Variants in OTOA observed in about 807,000 individuals in gnomAD.
OTOA encodes the protein otoancorin.
Under a neutral mutation model 110.8 loss-of-function variants are expected in OTOA, and 70 were observed. The ratio of observed to expected loss-of-function variants is 0.63; its 90% CI spans 0.52 to 0.77. The LOEUF (loss-of-function observed/expected upper bound fraction) is 0.77. OTOA is among the 30% of genes least tolerant of loss of function. OTOA has a pLI of 0.00. For missense variants in OTOA, 917 were observed against 1,075.8 expected, an observed-to-expected ratio of 0.85 and a Z score of 2.06; for synonymous variants, 373 against 431.5, an observed-to-expected ratio of 0.86 and a Z score of 1.68.
intron 8 of OTOA, among the ~76,000 whole-genome samples, 183 bp downstream of exon 8, chr16:21,687,831 A>C (rs1329824046): frequency 6.6e-6 from 1 of 151,488 alleles, no homozygotes; most frequent in African/African-American, 2.4e-5. Flanking sequence ...CACCCGACTA[A>C]TTTTTGTATT....
intron 10 of OTOA, among the ~76,000 whole-genome samples, chr16:21,698,880 C>T (rs1435185096): frequency 1.3e-5 from 2 of 152,106 alleles, no homozygotes; most frequent in Admixed American, 6.6e-5. Context: ...TCATTTGCAA[C>T]TTTTTATTCG....
intron 1 of OTOA, among the ~76,000 whole-genome samples, chr16:21,667,186 C>G (rs1966841776): frequency 6.6e-6 from 1 of 152,148 alleles, no homozygotes; most frequent in Non-Finnish European, 1.5e-5. Context: ...TGCTCAAAAC[C>G]TGTTAGAATG....
chr16:21,701,227 A>C (rs1030731861), intron 11 of OTOA, among the ~76,000 whole-genome samples, 200 bp downstream of exon 11: 3 of 152,182 alleles, frequency 2.0e-5, no homozygotes, highest in African/African-American at 7.2e-5. Context: ...GGGTGAAAGG[A>C]TAAATGCTTT....
chr16:21,690,911 A>G (rs1393608376), intron 8 of OTOA, among the ~76,000 whole-genome samples: 3 of 151,818 alleles, frequency 2.0e-5, no homozygotes, highest in African/African-American at 7.2e-5. Context: ...GGTTTGCTGC[A>G]CCCATCAACT....
At position 21,692,114 on chromosome 16, in the gene OTOA, G is replaced by T. The variant is rs532292797; in HGVS notation, c.739+427G>T. On this transcript the variant is annotated intron_variant, in intron 9 of 28. Transcript: ENST00000646100. ...GGCCAAGGCAGGAGGATTGCCGGAG[G>T]TCAGGAGTTTGAGACCAGCCTGACC... Among the ~76,000 whole-genome samples the T allele has an allele frequency of 3.3e-5, 5 of 152,206 alleles. No individual in the cohort carries two copies. In the South Asian group the frequency reaches 8.3e-4, roughly 25 times the overall value.
rs1001113411 is a variant in OTOA, at chr16:21,705,480, A to G, written c.1104+188A>G. 3.5e-4 allele frequency: 309 copies of G among 878,258 alleles called. 2 individuals are homozygous for G. The highest frequency in any genetic ancestry group is 1.2e-4 in the Admixed American group (5 of 41,330). The allele number at this position is 878,258 out of a possible 1,614,324, so 54.4% of individuals were successfully genotyped here. ...CATCGAAGCCCAGACAGAAAATAGC[A>G]AAGGAACAGACCCTGGGGAGATCAA... is the stretch of plus-strand genomic sequence containing the variant. On this transcript the variant is annotated intron_variant, in intron 12 of 28. Coordinates refer to ENST00000646100, the MANE Select transcript of OTOA (RefSeq NM_144672.4).
At chr16:21,698,289 TATAGCTACTTCTGTTA>T (rs1897984899) in intron 10 of OTOA, among the ~76,000 whole-genome samples, 1 of 152,222 alleles carries the variant, frequency 6.6e-6, no homozygotes, top group Admixed American at 6.5e-5. Flanking sequence ...TACTTCTATT[TATAGCTACTTCTGTTA>T]ATAGCTACTT....
chr16:21,713,677 G>A (rs2141694054), intron 13 of OTOA, among the ~76,000 whole-genome samples: 1 of 152,256 alleles, frequency 6.6e-6, no homozygotes, highest in East Asian at 1.9e-4. Flanking sequence ...CAGGGCACCT[G>A]GCCTCAGAGC....
intron 1 of OTOA, among the ~76,000 whole-genome samples, chr16:21,676,156 C>G (rs1406517146): frequency 6.6e-6 from 1 of 152,160 alleles, no homozygotes; most frequent in African/African-American, 2.4e-5. Context: ...TGAGCTCAGA[C>G]AATTCACCTT....
At chr16:21,685,651 C>T (rs1897699358) in intron 7 of OTOA, among the ~76,000 whole-genome samples, 1 of 152,022 alleles carries the variant, frequency 6.6e-6, no homozygotes. Flanking sequence ...TAACTTCTGC[C>T]TCCTGGGTTT....
At chr16:21,678,745 C>T in intron 2 of OTOA, 140 bp downstream of exon 2, 1 of 1,177,730 alleles carries the variant, frequency 8.5e-7, no homozygotes, top group East Asian at 2.4e-5. Context: ...CAGGATTATT[C>T]TAAGAGGATT....
intron 20 of OTOA, among the ~76,000 whole-genome samples, chr16:21,729,056 T>A (rs564692866): frequency 1.3e-5 from 2 of 151,116 alleles, no homozygotes; most frequent in Non-Finnish European, 3.0e-5. Context: ...TTTTTTTAAA[T>A]GGGGTCTCGC....
At chr16:21,735,373 ACG>A (rs1301104223) in intron 21 of OTOA, among the ~76,000 whole-genome samples, 1 of 151,792 alleles carries the variant, frequency 6.6e-6, no homozygotes, top group African/African-American at 2.4e-5. Flanking sequence ...GAGAGAACGC[ACG>A]CACTATTGTG....
intron 19 of OTOA, among the ~76,000 whole-genome samples, chr16:21,726,927 A>G (rs1292985790): frequency 1.3e-5 from 2 of 150,050 alleles, no homozygotes; most frequent in East Asian, 4.0e-4. Context: ...GTGATTGGTT[A>G]TGTGGCTTTG....
At chr16:21,737,947 C>A (rs1380225543) in intron 22 of OTOA, among the ~76,000 whole-genome samples, 4 of 152,312 alleles carry the variant, frequency 2.6e-5, no homozygotes, top group Admixed American at 6.5e-5. Flanking sequence ...ATCCACCCAA[C>A]AAATATTCGT....
intron 18 of OTOA, among the ~76,000 whole-genome samples, chr16:21,723,671 C>T (rs1456778835): frequency 6.6e-6 from 1 of 152,050 alleles, no homozygotes; most frequent in Non-Finnish European, 1.5e-5. Flanking sequence ...ATTTTTTGTT[C>T]AGGTAACTGG....
intron 14 of OTOA, 71 bp downstream of exon 14, chr16:21,715,223 G>A (rs953973615): frequency 1.3e-6 from 2 of 1,598,782 alleles, no homozygotes; most frequent in South Asian, 1.1e-5. Flanking sequence ...TGAGTGGGCT[G>A]TGACTTTGGG....
At chr16:21,704,078 C>A (rs542521011) in intron 11 of OTOA, among the ~76,000 whole-genome samples, 4 of 152,236 alleles carry the variant, frequency 2.6e-5, no homozygotes, top group Admixed American at 2.6e-4. Context: ...TCTCACAGAG[C>A]TGGGCTTCAA....
chr16:21,718,473 CT>C (rs1242990216), intron 15 of OTOA, among the ~76,000 whole-genome samples: 1 of 152,136 alleles, frequency 6.6e-6, no homozygotes, highest in African/African-American at 2.4e-5. Flanking sequence ...TTTTGTGCTG[CT>C]TTTTGGCTCT....
Sources: allele counts gnomAD v4.1 joint callset (sites outside exome capture counted in the v4.1 genomes callset), GRCh38; gene constraint gnomAD v4.1.1; transcripts MANE v1.5; gene names NCBI Gene and HGNC (gene_info 2026-07-23, HGNC 2026-07-21).